AP4E1: variants seen among roughly 807,000 people sequenced by gnomAD.
The protein encoded by AP4E1 is AP-4 complex subunit epsilon-1.
Under a neutral mutation model 128.2 loss-of-function variants are expected in AP4E1, and 56 were observed. The observed-to-expected ratio is 0.44, with a 90% CI of 0.35 to 0.55. The LOEUF is 0.55. Among genes scored for constraint, AP4E1 ranks in the 20% least tolerant of loss-of-function variants. The pLI, the probability that AP4E1 is intolerant of heterozygous loss-of-function variation, is 0.00. For synonymous variants in AP4E1, 484 were observed against 473.1 expected, an observed-to-expected ratio of 1.02 and a Z score of -0.30; for missense variants, 1,324 against 1,307.7, an observed-to-expected ratio of 1.01 and a Z score of -0.19.
chr15:50,999,412 A>G (rs576895113), intron 19 of AP4E1, 150 bp downstream of exon 19: 80 of 633,088 alleles, frequency 1.3e-4, no homozygotes, highest in Non-Finnish European at 1.8e-4. Context: ...TTTCTAGTCT[A>G]TGGAGGAGAC....
intron 15 of AP4E1, among the ~76,000 whole-genome samples, chr15:50,975,128 G>C (rs1054530426): frequency 6.6e-6 from 1 of 152,164 alleles, no homozygotes; most frequent in Non-Finnish European, 1.5e-5. Flanking sequence ...TTTACCAGCT[G>C]GGCGCGGTGG....
At chr15:50,976,414 A>C (rs1030299488) in intron 15 of AP4E1, among the ~76,000 whole-genome samples, 14 of 152,216 alleles carry the variant, frequency 9.2e-5, no homozygotes, top group Non-Finnish European at 1.5e-4. Flanking sequence ...ATAAACCCAG[A>C]GCTAACATCA....
intron 8 of AP4E1, among the ~76,000 whole-genome samples, chr15:50,939,397 T>TG (rs1258316045): frequency 1.3e-5 from 2 of 150,582 alleles, no homozygotes; most frequent in African/African-American, 4.9e-5. Context: ...CACTTGAACC[T>TG]GGGGGGTGGA....
chr15:50,969,749 C>G (rs2064452381), intron 15 of AP4E1, among the ~76,000 whole-genome samples: 1 of 151,260 alleles, frequency 6.6e-6, no homozygotes, highest in Admixed American at 6.6e-5. Flanking sequence ...AGCTCTGCCT[C>G]CTGGGTTCAT....
chr15:50,997,237 T>C lies in AP4E1; in HGVS notation c.2347-89T>C. The C allele has an allele frequency of 6.9e-6, 8 of 1,158,938 alleles. No homozygotes were observed. The South Asian group carries it at 7.0e-5, about 10-fold the overall frequency. 71.8% of individuals were successfully genotyped at this position (1,158,938 alleles called of 1,614,324 possible). Reference sequence around the variant, plus strand: ...TAGATAGAACCTTAGCAAATTGTTATATTGCTGATTTGAAATTATAGATGA... The same window carrying C: ...TAGATAGAACCTTAGCAAATTGTTACATTGCTGATTTGAAATTATAGATGA... On this transcript the variant is annotated intron_variant, in intron 17 of 20. Coordinates refer to ENST00000261842, the MANE Select transcript of AP4E1 (RefSeq NM_007347.5).
chr15:50,974,351 T>C (rs1452068199), intron 15 of AP4E1, among the ~76,000 whole-genome samples: 6 of 151,664 alleles, frequency 4.0e-5, no homozygotes, highest in African/African-American at 1.5e-4. Flanking sequence ...ACTGTAGCCT[T>C]GAACTCCTGG....
intron 1 of AP4E1, among the ~76,000 whole-genome samples, chr15:50,909,206 G>A (rs2063534336): frequency 1.3e-5 from 2 of 152,236 alleles, no homozygotes; most frequent in Admixed American, 6.5e-5. Flanking sequence ...TTTTCTCAAC[G>A]TTGTGGTGGA....
intron 15 of AP4E1, among the ~76,000 whole-genome samples, chr15:50,974,537 G>A (rs999744569): frequency 6.6e-6 from 1 of 152,068 alleles, no homozygotes; most frequent in African/African-American, 2.4e-5. Flanking sequence ...AAAGCACTGG[G>A]ATTATAGGCA....
At position 51,002,877 on chromosome 15, in the gene AP4E1, C is replaced by A; in HGVS notation, c.*215C>A. ...GATTGTACAGTATGTTTAGGTCCCT[C>A]AAAAAGTGACCTAAGCTAATGTTAT... is the stretch of plus-strand genomic sequence containing the variant. On this transcript the variant is annotated 3_prime_UTR_variant, in exon 21 of 21. Transcript: ENST00000261842. The A allele has an allele frequency of 1.8e-6, 1 of 559,700 alleles. No individual in the cohort carries two copies. Among genetic ancestry groups the A allele is most frequent in the Non-Finnish European group, 3.1e-6 (1 of 317,488 alleles). 34.7% of individuals were successfully genotyped at this position (559,700 alleles called of 1,614,324 possible).
chr15:50,939,606 A>G (rs2063955918), intron 8 of AP4E1, among the ~76,000 whole-genome samples: 1 of 152,212 alleles, frequency 6.6e-6, no homozygotes, highest in South Asian at 2.1e-4. Context: ...TTTCAGCTCA[A>G]TTATGCCTAA....
At position 50,926,267 on chromosome 15, in the gene AP4E1, G is replaced by A. The variant is rs955890395; in HGVS notation, c.542+1048G>A. Among the ~76,000 whole-genome samples, 4 of 151,806 alleles carry A rather than the reference G, an allele frequency of 2.6e-5. No individual in the cohort carries two copies. The East Asian group carries it at 7.8e-4, about 30-fold the overall frequency. ...GTTCTCTGCCTCAGCCTCCTGAGTA[G>A]CTGGAATTACAGGAACACGCCACCA... On this transcript the variant is annotated intron_variant, in intron 5 of 20. Coordinates refer to ENST00000261842, the MANE Select transcript of AP4E1 (RefSeq NM_007347.5).
chr15:50,972,357 A>G (rs1213048880), intron 15 of AP4E1, among the ~76,000 whole-genome samples: 1 of 152,028 alleles, frequency 6.6e-6, no homozygotes, highest in Admixed American at 6.6e-5. Flanking sequence ...GACTACAGGC[A>G]CACACCACCA....
chr15:51,002,631 A>G lies in AP4E1; in HGVS notation c.3383A>G (p.Tyr1128Cys). ...SCSTLPDYLL[Y>C]QCQKVMEGS Reference sequence around the variant, plus strand: ...TCTACTCTTCCTGACTATTTACTGTATCAGTGTCAAAAGGTGATGGAGGGA... The same window carrying G: ...TCTACTCTTCCTGACTATTTACTGTGTCAGTGTCAAAAGGTGATGGAGGGA... The change falls in exon 21 of 21, where the codon TAT becomes TGT. Residue 1128 changes from tyrosine (Y) to cysteine (C), a missense_variant. Transcript: ENST00000261842. The G allele has an allele frequency of 1.2e-6, 2 of 1,614,118 alleles. No individual in the cohort carries two copies. The highest frequency in any genetic ancestry group is 2.2e-5 in the East Asian group (1 of 44,874).
chr15:50,941,149 A>G (rs572561327), intron 8 of AP4E1, among the ~76,000 whole-genome samples: 4 of 152,272 alleles, frequency 2.6e-5, no homozygotes, highest in African/African-American at 9.6e-5. Flanking sequence ...TGCTATATTC[A>G]TAGTACTGAA....
intron 3 of AP4E1, among the ~76,000 whole-genome samples, chr15:50,919,968 T>C (rs2063676728): frequency 6.6e-6 from 1 of 151,202 alleles, no homozygotes; most frequent in African/African-American, 2.4e-5. Flanking sequence ...TCCCAGCTAC[T>C]TGGGAGGCTG....
intron 15 of AP4E1, among the ~76,000 whole-genome samples, chr15:50,970,593 G>T (rs12439323): frequency 0.17 from 25,256 of 152,118 alleles, 2,359 homozygotes; most frequent in Admixed American, 0.27. Context: ...TTTATGAATT[G>T]ATCCCTTTAT....
At position 51,005,124 on chromosome 15, in the gene AP4E1, G is replaced by C. The variant is rs2065004329; in HGVS notation, c.*2462G>C. 1 of 152,268 alleles carries C rather than the reference G, an allele frequency of 6.6e-6. No individual in the cohort carries two copies. Among genetic ancestry groups the C allele is most frequent in the African/African-American group, 2.4e-5 (1 of 41,460 alleles). 9.4% of individuals were successfully genotyped at this position (152,268 alleles called of 1,614,324 possible). A position where few individuals can be genotyped will look rare whatever the true frequency, so the allele number is the denominator to read the frequency against. On this transcript the variant is annotated 3_prime_UTR_variant, in exon 21 of 21. Transcript: ENST00000261842. The stretch of plus-strand genomic sequence containing the variant: ...TGGTCTCGAACTCCCGACCTCAGGT[G>C]ATCTGCCCGCCTCAGCCTCCCAAAG...
chr15:50,946,770 C>A (rs1240211273), intron 10 of AP4E1, among the ~76,000 whole-genome samples: 1 of 152,138 alleles, frequency 6.6e-6, no homozygotes, highest in Non-Finnish European at 1.5e-5. Context: ...ATTTTTGAAA[C>A]CTTAATCTAG....
chr15:50,983,754 T>G (rs1248896981), intron 15 of AP4E1, among the ~76,000 whole-genome samples: 3 of 152,180 alleles, frequency 2.0e-5, no homozygotes, highest in African/African-American at 7.2e-5. Context: ...AATTGAGTTT[T>G]TTTTTAGCTT....
Sources: allele counts gnomAD v4.1 joint callset (sites outside exome capture counted in the v4.1 genomes callset), GRCh38; gene constraint gnomAD v4.1.1; transcripts MANE v1.5; gene names NCBI Gene and HGNC (gene_info 2026-07-23, HGNC 2026-07-21).